The following NEK11 variants were observed in gnomAD, a reference collection of about 807,000 sequenced individuals.
NEK11 encodes the protein serine/threonine-protein kinase Nek11.
Under a neutral mutation model 80.7 loss-of-function variants are expected in NEK11, and 72 were observed. That is an observed-to-expected ratio of 0.89 (90% CI 0.74 to 1.08). NEK11 has a LOEUF of 1.08. Ranked by LOEUF, NEK11 falls within the 50% of genes least tolerant of loss-of-function variation. NEK11 has a pLI of 0.00. For synonymous variants in NEK11, 251 were observed against 260.7 expected, an observed-to-expected ratio of 0.96 and a Z score of 0.36; for missense variants, 764 against 763.6, an observed-to-expected ratio of 1.00 and a Z score of -0.01.
chr3:131,150,150 A>G (rs1250376355), intron 7 of NEK11, among the ~76,000 whole-genome samples: 1 of 150,952 alleles, frequency 6.6e-6, no homozygotes, highest in Non-Finnish European at 1.5e-5. Flanking sequence ...TTTCTCTGTC[A>G]CTCTGTTATT....
At chr3:131,109,693 G>A (rs2079765266) in intron 4 of NEK11, 110 bp from the exon 5 acceptor site, 3 of 1,103,824 alleles carry the variant, frequency 2.7e-6, no homozygotes, top group Non-Finnish European at 2.5e-6. Flanking sequence ...GATAATTACA[G>A]AATGGCACTT....
intron 14 of NEK11, among the ~76,000 whole-genome samples, chr3:131,174,005 C>T (rs2092851998): frequency 6.6e-6 from 1 of 152,142 alleles, no homozygotes; most frequent in South Asian, 2.1e-4. Flanking sequence ...ATACTTTAAA[C>T]ATTTCCGTTA....
intron 3 of NEK11, among the ~76,000 whole-genome samples, chr3:131,043,949 G>A (rs917213807): frequency 3.3e-5 from 5 of 152,060 alleles, no homozygotes; most frequent in African/African-American, 1.2e-4. Context: ...AAGAGAGTGG[G>A]GGCCAATATT....
intron 3 of NEK11, among the ~76,000 whole-genome samples, chr3:131,073,391 A>G (rs2148946735): frequency 6.6e-6 from 1 of 152,358 alleles, no homozygotes; most frequent in East Asian, 1.9e-4. Flanking sequence ...GAAAGTTGTC[A>G]CCACAAATGG....
At chr3:131,332,736 G>C (rs1275384064) in intron 17 of NEK11, among the ~76,000 whole-genome samples, 1 of 152,042 alleles carries the variant, frequency 6.6e-6, no homozygotes, top group Admixed American at 6.5e-5. Context: ...TTAGACGAAT[G>C]TATAACTAGA....
At chr3:131,117,639 C>G (rs1459216654) in intron 5 of NEK11, among the ~76,000 whole-genome samples, 1 of 152,152 alleles carries the variant, frequency 6.6e-6, no homozygotes, top group African/African-American at 2.4e-5. Context: ...TTTGTGTCCT[C>G]TTTTATTTCA....
At chr3:131,139,225 G>C (rs2086295665) in intron 7 of NEK11, among the ~76,000 whole-genome samples, 1 of 151,368 alleles carries the variant, frequency 6.6e-6, no homozygotes, top group Non-Finnish European at 1.5e-5. Flanking sequence ...CTGGACTTGA[G>C]AAATCCAATT....
At chr3:131,290,694 C>T (rs942023014) in intron 17 of NEK11, among the ~76,000 whole-genome samples, 1 of 152,234 alleles carries the variant, frequency 6.6e-6, no homozygotes, top group Non-Finnish European at 1.5e-5. Context: ...AGCTTTCAAC[C>T]ATGCACCTAG....
intron 11 of NEK11, among the ~76,000 whole-genome samples, chr3:131,163,214 T>C (rs1185773325): frequency 1.3e-5 from 2 of 152,202 alleles, no homozygotes; most frequent in African/African-American, 4.8e-5. Flanking sequence ...AACTACCATA[T>C]GATCTGGCAA....
intron 5 of NEK11, among the ~76,000 whole-genome samples, chr3:131,117,695 C>G (rs2081524144): frequency 6.6e-6 from 1 of 152,112 alleles, no homozygotes; most frequent in Non-Finnish European, 1.5e-5. Flanking sequence ...CTATACACAT[C>G]CCTTGTAAGT....
chr3:131,151,827 A>T (rs2089697282), intron 7 of NEK11, among the ~76,000 whole-genome samples: 1 of 152,018 alleles, frequency 6.6e-6, no homozygotes, highest in African/African-American at 2.4e-5. Context: ...TTTCATACTC[A>T]CCATGGGAGA....
At chr3:131,074,322 G>A (rs1001796661) in intron 3 of NEK11, among the ~76,000 whole-genome samples, 1 of 152,072 alleles carries the variant, frequency 6.6e-6, no homozygotes, top group Non-Finnish European at 1.5e-5. Flanking sequence ...GAATAAATGG[G>A]TGGAGAGGAA....
chr3:131,169,847 A>G (rs1031199156), intron 13 of NEK11, among the ~76,000 whole-genome samples: 4 of 152,224 alleles, frequency 2.6e-5, no homozygotes, highest in African/African-American at 4.8e-5. Context: ...TCTGAAGTGC[A>G]CGTAAAGACG....
intron 3 of NEK11, among the ~76,000 whole-genome samples, chr3:131,070,990 G>T (rs543914605): frequency 4.6e-5 from 7 of 152,134 alleles, no homozygotes; most frequent in Non-Finnish European, 1.0e-4. Flanking sequence ...TTCAAAACTG[G>T]AAAAGAAGCT....
chr3:131,092,942 C>A (rs2076937319), intron 4 of NEK11: 1 of 152,196 alleles, frequency 6.6e-6, no homozygotes, highest in Non-Finnish European at 1.5e-5. Flanking sequence ...TCTCGTTAAT[C>A]CATGGCACAA....
At chr3:131,198,288 C>T (rs9817117) in intron 14 of NEK11, among the ~76,000 whole-genome samples, 67,121 of 151,962 alleles carry the variant, frequency 0.44, 16,988 homozygotes, top group Middle Eastern at 0.66. Flanking sequence ...CGGGATCAGT[C>T]AAGGGACCCT....
In NEK11 at chr3:131,284,311, T is replaced by C. The variant is rs73870838; in HGVS notation, c.1718+10737T>C. On this transcript the variant is annotated intron_variant, in intron 17 of 17. Coordinates refer to ENST00000383366, the MANE Select transcript of NEK11 (RefSeq NM_024800.5). ...CAGCTTGTCCCTGCCTCTCCAGATCTAGGCAACTTTGACTTAAGCCCTTAG... is the reference window on the plus strand; with the variant it reads ...CAGCTTGTCCCTGCCTCTCCAGATCCAGGCAACTTTGACTTAAGCCCTTAG... Among the ~76,000 whole-genome samples the C allele has an allele frequency of 9.0e-3, 1,366 of 152,296 alleles. 15 individuals carry two copies. The highest frequency in any genetic ancestry group is 0.027 in the African/African-American group (1,107 of 41,566).
chr3:131,263,615 T>G (rs1281303656), intron 16 of NEK11, among the ~76,000 whole-genome samples: 4 of 152,230 alleles, frequency 2.6e-5, no homozygotes, highest in Non-Finnish European at 5.9e-5. Context: ...AGCCTAACAT[T>G]GATGGACATT....
intron 3 of NEK11, among the ~76,000 whole-genome samples, chr3:131,047,686 G>T (rs1047365922): frequency 1.3e-5 from 2 of 152,224 alleles, no homozygotes; most frequent in African/African-American, 4.8e-5. Context: ...TGGCAGGGGA[G>T]TGAAGTGGAC....
Sources: gnomAD v4.1 joint callset for allele counts (sites outside exome capture counted in the v4.1 genomes callset) on GRCh38, gnomAD v4.1.1 for gene constraint, MANE v1.5 for transcripts, NCBI Gene and HGNC (gene_info 2026-07-23, HGNC 2026-07-21) for gene names.